Variants in TRIM13 observed in about 807,000 individuals in gnomAD.
TRIM13 encodes E3 ubiquitin-protein ligase TRIM13.
TRIM13 carries 15 observed loss-of-function variants against 27.1 expected under a neutral mutation model. The ratio of observed to expected loss-of-function variants is 0.55; its 90% CI spans 0.37 to 0.85. The LOEUF is 0.85. Among genes scored for constraint, TRIM13 ranks in the 40% least tolerant of loss-of-function variants. TRIM13 has a pLI of 0.00. For synonymous variants in TRIM13, 193 were observed against 171.5 expected, an observed-to-expected ratio of 1.13 and a Z score of -0.98; for missense variants, 402 against 472.2, an observed-to-expected ratio of 0.85 and a Z score of 1.38.
rs375046224 is a variant in TRIM13, at chr13:50,001,594, GTTAC to G, written c.-7+3837_-7+3840del. 4.8e-3 allele frequency among the ~76,000 whole-genome samples: 726 copies of G among 152,158 alleles called. 2 individuals are homozygous for G. The highest frequency in any genetic ancestry group is 6.7e-3 in the Admixed American group (103 of 15,282). The stretch of plus-strand genomic sequence containing the variant: ...TCTAGGATAATGCCAGAAAAGGTTG[GTTAC>G]TTACTGTCTTATATGGACACATAGG... On this transcript the variant is annotated intron_variant, in intron 1 of 1. Coordinates refer to ENST00000378182, the MANE Select transcript of TRIM13 (RefSeq NM_213590.3).
intron 1 of TRIM13, among the ~76,000 whole-genome samples, chr13:49,999,885 T>C (rs1228692992): frequency 1.3e-5 from 2 of 152,184 alleles, no homozygotes; most frequent in African/African-American, 2.4e-5. Context: ...TTTCTAGATA[T>C]TGCTAAGGTC....
chr13:50,005,742 T>G (rs1445232276), intron 1 of TRIM13, among the ~76,000 whole-genome samples: 1 of 147,766 alleles, frequency 6.8e-6, no homozygotes, highest in African/African-American at 2.5e-5. Flanking sequence ...AATATTTAGT[T>G]TTTTTTTTTT....
At chr13:49,999,535 T>A (rs1331694330) in intron 1 of TRIM13, among the ~76,000 whole-genome samples, 1 of 152,180 alleles carries the variant, frequency 6.6e-6, no homozygotes, top group Non-Finnish European at 1.5e-5. Flanking sequence ...GTAAATACTA[T>A]AAAAATCATT....
chr13:50,012,584 A>G lies in TRIM13; in HGVS notation c.644A>G (p.Tyr215Cys). Reference protein sequence around the residue: ...ETMKLAVMQAYDPEINKLNTI... With the variant: ...ETMKLAVMQACDPEINKLNTI... ...ATGAAACTTGCTGTTATGCAAGCAT[A>G]TGACCCAGAGATCAACAAACTCAAC... Residue 215 changes from tyrosine to cysteine, a missense_variant, in exon 2 of 2, where the codon TAT becomes TGT. Physicochemically the swap from Tyr to Cys is radical, Grantham distance 194 (BLOSUM62 -2). This residue lies in a region of TRIM13 where 202 missense variants were observed against 277.5 expected (regional missense o/e 0.73). Coordinates refer to ENST00000378182, the MANE Select transcript of TRIM13 (RefSeq NM_213590.3). 3 of 1,614,130 alleles carry G rather than the reference A, an allele frequency of 1.9e-6. No homozygotes were observed. Among genetic ancestry groups the G allele is most frequent in the Non-Finnish European group, 2.5e-6 (3 of 1,180,008 alleles).
Position 50,015,619 on chromosome 13 carries a change from C to T in TRIM13, c.*2455C>T. 3 of 1,614,102 alleles carry T rather than the reference C, an allele frequency of 1.9e-6. No homozygotes were observed. Among genetic ancestry groups the T allele is most frequent in the Non-Finnish European group, 2.5e-6 (3 of 1,179,970 alleles). ...TGTTAGATGGCAGAGACCAAGAATT[C>T]AAGATGGTTGGTGGCCAGATTTTTG... is the stretch of plus-strand genomic sequence containing the variant. On this transcript the variant is annotated 3_prime_UTR_variant, in exon 2 of 2. Transcript: ENST00000378182.
At chr13:50,010,263 G>A (rs552575259) in intron 1 of TRIM13, among the ~76,000 whole-genome samples, 6 of 151,982 alleles carry the variant, frequency 3.9e-5, no homozygotes, top group South Asian at 2.1e-4. Flanking sequence ...TATGTTGCCC[G>A]TACTGGTCGT....
chr13:50,007,450 C>T (rs1225424039), intron 1 of TRIM13, among the ~76,000 whole-genome samples: 11 of 146,556 alleles, frequency 7.5e-5, no homozygotes, highest in Non-Finnish European at 1.5e-4. Flanking sequence ...GAGATTGCAC[C>T]ACTGCACCCC....
In TRIM13 at chr13:50,013,782, C is replaced by T. The variant is rs1404767616; in HGVS notation, c.*618C>T. On this transcript the variant is annotated 3_prime_UTR_variant, in exon 2 of 2. Transcript: ENST00000378182. The stretch of plus-strand genomic sequence containing the variant: ...CTTGATCTCCTGACCTCGTGATCCG[C>T]CTGCCTCGGCCTCCCAAAGTGCTGG... 1.2e-5 allele frequency: 2 copies of T among 166,870 alleles called. No individual in the cohort carries two copies. The highest frequency in any genetic ancestry group is 2.9e-5 in the Non-Finnish European group (2 of 68,230). The allele number at this position is 166,870 out of a possible 1,614,324, so 10.3% of individuals were successfully genotyped here.
chr13:50,006,312 A>G, intron 1 of TRIM13, among the ~76,000 whole-genome samples: 1 of 152,006 alleles, frequency 6.6e-6, no homozygotes, highest in East Asian at 1.9e-4. Flanking sequence ...CTGTCGTTGT[A>G]TCCTCAATTT....
Position 50,016,132 on chromosome 13 carries a change from T to C in TRIM13, c.*2968T>C, listed in dbSNP as rs1394490329. ...AGTTTGTGATGTTTTCTCTAAAAAC[T>C]TGAAGTTCCTCAGGCCTGTAACTTC... On this transcript the variant is annotated 3_prime_UTR_variant, in exon 2 of 2. Coordinates refer to ENST00000378182, the MANE Select transcript of TRIM13 (RefSeq NM_213590.3). 19 of 1,264,086 alleles carry C rather than the reference T, an allele frequency of 1.5e-5. No individual in the cohort carries two copies. The highest frequency in any genetic ancestry group is 9.5e-5 in the East Asian group (4 of 42,200). The allele number at this position is 1,264,086 out of a possible 1,614,324, so 78.3% of individuals were successfully genotyped here.
intron 1 of TRIM13, among the ~76,000 whole-genome samples, chr13:50,003,849 G>A (rs1000979050): frequency 1.3e-5 from 2 of 152,156 alleles, no homozygotes; most frequent in Non-Finnish European, 1.5e-5. Context: ...AAATTTAAAA[G>A]TATGTTAGAA....
chr13:50,005,291 A>C (rs1445367307), intron 1 of TRIM13, among the ~76,000 whole-genome samples: 1 of 152,126 alleles, frequency 6.6e-6, no homozygotes, highest in Admixed American at 6.6e-5. Flanking sequence ...GGAGGCAACA[A>C]AGATGTCTAC....
rs143306362 is a variant in TRIM13, at chr13:50,015,582, G to T, written c.*2418G>T. ...ACGATAAAGCAGTTTCCTGCTTCTC[G>T]TTTGGCACGCATGTTAGATGGCAGA... On this transcript the variant is annotated 3_prime_UTR_variant, in exon 2 of 2. Coordinates refer to ENST00000378182, the MANE Select transcript of TRIM13 (RefSeq NM_213590.3). 1.4e-5 allele frequency: 23 copies of T among 1,613,962 alleles called. No individual in the cohort carries two copies. The East Asian group carries it at 5.1e-4, about 36-fold the overall frequency.
In TRIM13 at chr13:50,012,232, T is replaced by G. The variant is rs754180569; in HGVS notation, c.292T>G (p.Leu98Val). Residue 98 changes from leucine (L) to valine (V), a missense_variant, in exon 2 of 2, where the codon TTG (leucine) becomes GTG (valine). Physicochemically the swap from Leu to Val is conservative, Grantham distance 32. This residue lies in a region of TRIM13 where 202 missense variants were observed against 277.5 expected (regional missense o/e 0.73). Coordinates refer to ENST00000378182, the MANE Select transcript of TRIM13 (RefSeq NM_213590.3). Reference protein sequence around the residue: ...SPKMPVCKGHLGQPLNIFCLT... With the variant: ...SPKMPVCKGHVGQPLNIFCLT... ...CAAAATGCCAGTATGCAAAGGACAC[T>G]TGGGGCAGCCTCTCAACATTTTCTG... 26 of 1,614,024 alleles carry G rather than the reference T, an allele frequency of 1.6e-5. No individual in the cohort carries two copies. Among genetic ancestry groups the G allele is most frequent in the Non-Finnish European group, 2.0e-5 (24 of 1,180,010 alleles).
chr13:50,006,891 C>T (rs1874789104), intron 1 of TRIM13, among the ~76,000 whole-genome samples: 1 of 152,002 alleles, frequency 6.6e-6, no homozygotes, highest in Non-Finnish European at 1.5e-5. Flanking sequence ...ACTATAAAAC[C>T]ATAAACTGGC....
chr13:50,003,317 G>T (rs1331571555), intron 1 of TRIM13, among the ~76,000 whole-genome samples: 1 of 152,018 alleles, frequency 6.6e-6, no homozygotes, highest in Non-Finnish European at 1.5e-5. Flanking sequence ...ATAAAAGCGT[G>T]ATATATTTAT....
rs532707943 is a variant in TRIM13, at chr13:50,018,068, T to C, written c.*4904T>C. 1 of 167,028 alleles carries C rather than the reference T, an allele frequency of 6.0e-6. No individual in the cohort carries two copies. The highest frequency in any genetic ancestry group is 1.5e-5 in the Non-Finnish European group (1 of 68,094). 10.3% of individuals were successfully genotyped at this position (167,028 alleles called of 1,614,324 possible). A position where few individuals can be genotyped will look rare whatever the true frequency, so the allele number is the denominator to read the frequency against. On this transcript the variant is annotated 3_prime_UTR_variant, in exon 2 of 2. Coordinates refer to ENST00000378182, the MANE Select transcript of TRIM13 (RefSeq NM_213590.3). ...TATAGTTGGTCACAGGATTCTAAAGTCTTTATTTGACTTCTCCTTTTTGAA... is the reference window on the plus strand; with the variant it reads ...TATAGTTGGTCACAGGATTCTAAAGCCTTTATTTGACTTCTCCTTTTTGAA...
intron 1 of TRIM13, among the ~76,000 whole-genome samples, chr13:50,003,163 T>A (rs1391700123): frequency 6.6e-6 from 1 of 152,216 alleles, no homozygotes; most frequent in Non-Finnish European, 1.5e-5. Context: ...CTCAGTTCAG[T>A]AAAGCTTAGC....
At position 50,014,566 on chromosome 13, in the gene TRIM13, A is replaced by C. The variant is rs1876140210; in HGVS notation, c.*1402A>C. 6.0e-6 allele frequency: 1 copy of C among 166,754 alleles called. No homozygotes were observed. Among genetic ancestry groups the C allele is most frequent in the Non-Finnish European group, 1.5e-5 (1 of 68,060 alleles). The allele number at this position is 166,754 out of a possible 1,614,324, so 10.3% of individuals were successfully genotyped here. A position where few individuals can be genotyped will look rare whatever the true frequency, so the allele number is the denominator to read the frequency against. ...GTGTAGTTAAGACTAATTTGACAAC[A>C]GATAAAACAGTCTGTCAGCTATTAC... On this transcript the variant is annotated 3_prime_UTR_variant, in exon 2 of 2. Transcript: ENST00000378182.
Sources: gnomAD v4.1 joint callset for allele counts (sites outside exome capture counted in the v4.1 genomes callset) on GRCh38, gnomAD v4.1.1 for gene constraint, gnomAD v4.1.1 regional missense constraint, MANE v1.5 for transcripts, NCBI Gene and HGNC (gene_info 2026-07-23, HGNC 2026-07-21) for gene names.